The following ATP8B1 variants were observed in gnomAD, a reference collection of about 807,000 sequenced individuals.
ATP8B1 encodes phospholipid-transporting ATPase IC.
A neutral mutation model predicts 149.9 loss-of-function variants in ATP8B1; 80 were observed. That is an observed-to-expected ratio of 0.53 (90% CI 0.45 to 0.64). The LOEUF is 0.64. Among genes scored for constraint, ATP8B1 ranks in the 30% least tolerant of loss-of-function variants. The pLI is 0.00. For synonymous variants in ATP8B1, 536 were observed against 562.8 expected, an observed-to-expected ratio of 0.95 and a Z score of 0.67; for missense variants, 1,247 against 1,552.6, an observed-to-expected ratio of 0.80 and a Z score of 3.31.
chr18:57,782,803 C>CT (rs79009229), intron 1 of ATP8B1, among the ~76,000 whole-genome samples: 19,474 of 89,752 alleles, frequency 0.22, 5,344 homozygotes, highest in East Asian at 0.4. Context: ...TAGTTTGTCT[C>CT]TTTTTTTTTT....
intron 20 of ATP8B1, 149 bp from the exon 21 acceptor site, chr18:57,662,764 A>AT: frequency 1.1e-6 from 1 of 935,944 alleles, no homozygotes. Flanking sequence ...TTTCATTATA[A>AT]TTTTTTTGAG....
chr18:57,772,734 G>T (rs368295865), intron 1 of ATP8B1, among the ~76,000 whole-genome samples: 2 of 152,060 alleles, frequency 1.3e-5, no homozygotes, highest in African/African-American at 4.8e-5. Flanking sequence ...GGAATTCGGC[G>T]CACAGAAGCC....
intron 1 of ATP8B1, among the ~76,000 whole-genome samples, chr18:57,742,902 A>C (rs932750544): frequency 1.3e-5 from 2 of 152,068 alleles, no homozygotes; most frequent in African/African-American, 4.8e-5. Context: ...GAAAAGGTAC[A>C]GGGGAAATCT....
At chr18:57,793,614 C>T (rs1367044127) in intron 1 of ATP8B1, among the ~76,000 whole-genome samples, 1 of 152,080 alleles carries the variant, frequency 6.6e-6, no homozygotes, top group Admixed American at 6.6e-5. Context: ...TCCTTCCCTC[C>T]CCCACTTACT....
Position 57,688,293 on chromosome 18 carries a change from A to C in ATP8B1, c.1429+6T>G, listed in dbSNP as rs1568196620. On this transcript the variant is annotated splice_donor_region_variant and intron_variant, in intron 13 of 27. Coordinates refer to ENST00000648908, the MANE Select transcript of ATP8B1 (RefSeq NM_001374385.1). ...ACCCAGAAAATGAGTGACGGCTTCC[A>C]CTTACCATATATCTGCCCGTTGATA... The C allele has an allele frequency of 6.2e-7, 1 of 1,613,594 alleles. No individual in the cohort carries two copies. The highest frequency in any genetic ancestry group is 8.5e-7 in the Non-Finnish European group (1 of 1,179,682).
In ATP8B1 at chr18:57,668,516, C is replaced by T. The variant is rs749786096; in HGVS notation, c.2122G>A (p.Asp708Asn). Reference protein sequence around the residue: ...LILLGATAIEDKLQDGVPETI... With the variant: ...LILLGATAIENKLQDGVPETI... ...TCTGGAACTCCATCCTGTAGCTTGTCTTCAATAGCTGTAGCTCCCAGGAGC... is the reference window on the plus strand; with the variant it reads ...TCTGGAACTCCATCCTGTAGCTTGTTTTCAATAGCTGTAGCTCCCAGGAGC... The change falls in exon 19 of 28, where the codon GAC (aspartate) becomes AAC (asparagine). Residue 708 changes from aspartate (D) to asparagine (N), a missense_variant. Physicochemically the swap from Asp to Asn is conservative, Grantham distance 23 (BLOSUM62 1). Around this residue, in one of 3 missense-constraint regions of ATP8B1, gnomAD observed 853 missense variants for 1,035.7 expected, o/e 0.82. Transcript: ENST00000648908. The T allele has an allele frequency of 7.5e-7, 1 of 1,324,990 alleles. No homozygotes were observed. The highest frequency in any genetic ancestry group is 1.1e-6 in the Non-Finnish European group (1 of 947,416). 82.1% of individuals were successfully genotyped at this position (1,324,990 alleles called of 1,614,324 possible).
chr18:57,756,190 AACAT>A (rs144552684), intron 1 of ATP8B1, among the ~76,000 whole-genome samples: 191 of 97,052 alleles, frequency 2.0e-3, no homozygotes, highest in Admixed American at 2.0e-3. Flanking sequence ...ACATTTCCAC[AACAT>A]ATATATATAT....
chr18:57,754,528 C>T (rs567626092), intron 1 of ATP8B1, among the ~76,000 whole-genome samples: 3 of 152,000 alleles, frequency 2.0e-5, no homozygotes, highest in Non-Finnish European at 4.4e-5. Context: ...ATAGCAGCTG[C>T]CTTTTACAGC....
At chr18:57,662,680 A>G (rs2122655529) in intron 20 of ATP8B1, 65 bp from the exon 21 acceptor site, 7 of 1,552,586 alleles carry the variant, frequency 4.5e-6, no homozygotes, top group Non-Finnish European at 5.3e-6. Context: ...ACTCTGAGAT[A>G]ACTTTGACTT....
intron 17 of ATP8B1, 95 bp from the exon 18 acceptor site, chr18:57,669,577 C>T: frequency 1.7e-6 from 2 of 1,144,600 alleles, no homozygotes; most frequent in Non-Finnish European, 2.5e-6. Context: ...AAGTAATATA[C>T]TAACAGAATT....
chr18:57,713,392 G>A (rs1372059856), intron 2 of ATP8B1, among the ~76,000 whole-genome samples: 1 of 151,262 alleles, frequency 6.6e-6, no homozygotes, highest in Non-Finnish European at 1.5e-5. Flanking sequence ...TGCCTCCTGG[G>A]TTCAAGCAAT....
Position 57,721,015 on chromosome 18 carries a change from G to T in ATP8B1, c.181+10612C>A, listed in dbSNP as rs1306928423. On this transcript the variant is annotated intron_variant, in intron 2 of 27. Coordinates refer to ENST00000648908, the MANE Select transcript of ATP8B1 (RefSeq NM_001374385.1). ...CAAACTAAGCTTCATAAGTGAAGGA[G>T]AAATCAAATACTTTACAGACAAGCA... 2.4e-5 allele frequency among the ~76,000 whole-genome samples: 3 copies of T among 125,074 alleles called. 1 individual carries two copies. Among genetic ancestry groups the T allele is most frequent in the Non-Finnish European group, 5.1e-5 (3 of 58,464 alleles). 82.1% of individuals were successfully genotyped at this position (125,074 alleles called of 152,430 possible).
At chr18:57,685,514 T>G (rs1912191437) in intron 13 of ATP8B1, among the ~76,000 whole-genome samples, 1 of 152,148 alleles carries the variant, frequency 6.6e-6, no homozygotes, top group Non-Finnish European at 1.5e-5. Context: ...TTTTAAACAA[T>G]TGTGCTATTA....
At chr18:57,761,107 TAAAATATAAAATAAAATAAA>T (rs2080151821) in intron 1 of ATP8B1, among the ~76,000 whole-genome samples, 2 of 104,328 alleles carry the variant, frequency 1.9e-5, no homozygotes, top group South Asian at 3.0e-4. Context: ...AAAAATAAAA[TAAAATATAAAATAAAATAAA>T]ATAAAATAAA....
At chr18:57,709,993 TTTTC>T (rs1259528732) in intron 2 of ATP8B1, among the ~76,000 whole-genome samples, 6 of 142,436 alleles carry the variant, frequency 4.2e-5, no homozygotes, top group Admixed American at 3.6e-4. Context: ...TTTTCTTTTC[TTTTC>T]TTTTTTTTTT....
intron 1 of ATP8B1, among the ~76,000 whole-genome samples, chr18:57,754,727 A>G (rs1370564793): frequency 6.6e-6 from 1 of 152,154 alleles, no homozygotes. Context: ...CCGGGGCTCA[A>G]ATTTACTTTC....
chr18:57,726,648 G>A (rs181176536), intron 2 of ATP8B1, among the ~76,000 whole-genome samples: 1 of 152,300 alleles, frequency 6.6e-6, no homozygotes, highest in East Asian at 1.9e-4. Flanking sequence ...CTGAACTTGG[G>A]CTGCAAAGTA....
intron 1 of ATP8B1, among the ~76,000 whole-genome samples, chr18:57,753,675 C>A (rs571425844): frequency 6.6e-6 from 1 of 152,200 alleles, no homozygotes; most frequent in South Asian, 2.1e-4. Flanking sequence ...CGCCTGTAAT[C>A]CCAGCGCTTT....
chr18:57,657,231 G>T (rs1026342833), intron 22 of ATP8B1, among the ~76,000 whole-genome samples: 8 of 151,114 alleles, frequency 5.3e-5, no homozygotes, highest in Non-Finnish European at 7.4e-5. Context: ...ATGGCCCTCT[G>T]GGACCTTAAG....
Sources: gnomAD v4.1 joint callset for allele counts (sites outside exome capture counted in the v4.1 genomes callset) on GRCh38, gnomAD v4.1.1 for gene constraint, gnomAD v4.1.1 regional missense constraint, MANE v1.5 for transcripts, NCBI Gene and HGNC (gene_info 2026-07-23, HGNC 2026-07-21) for gene names.